Variants in FMN2 observed in about 807,000 individuals in gnomAD.
FMN2 encodes the protein formin-2.
In FMN2, 51 loss-of-function variants were observed where a neutral mutation model predicts 142.3. The observed-to-expected ratio is 0.36, with a 90% CI of 0.29 to 0.45. FMN2 has a LOEUF of 0.45. FMN2 is among the 20% of genes least tolerant of loss of function. The probability of loss-of-function intolerance (pLI) is 1.00; values close to 1 mark genes in which losing one functional copy is unlikely to be tolerated. For synonymous variants in FMN2, 882 were observed against 869.8 expected, an observed-to-expected ratio of 1.01 and a Z score of -0.25; for missense variants, 1,936 against 2,122.8, an observed-to-expected ratio of 0.91 and a Z score of 1.73.
chr1:240,273,832 C>G (rs1469336601), intron 7 of FMN2, among the ~76,000 whole-genome samples: 1 of 152,096 alleles, frequency 6.6e-6, no homozygotes, highest in African/African-American at 2.4e-5. Flanking sequence ...GGGGATCTCT[C>G]TATGCCAACT....
rs767315251 is a variant in FMN2, at chr1:240,092,154, T to G, written c.45T>G (p.Ala15=). The part of the protein sequence containing the change: ...DGKLKRSAGD[A]LHEGGGGAED... ...AGCTGAAGAGGAGCGCAGGTGATGC[T>G]TTGCACGAAGGCGGCGGTGGCGCCG... is the stretch of plus-strand genomic sequence containing the variant. Residue 15 remains alanine, a synonymous_variant, in exon 1 of 18, where the codon GCT becomes GCG. Coordinates refer to ENST00000319653, the MANE Select transcript of FMN2 (RefSeq NM_020066.5). The G allele has an allele frequency of 6.4e-7, 1 of 1,571,886 alleles. No homozygotes were observed. Among genetic ancestry groups the G allele is most frequent in the South Asian group, 1.2e-5 (1 of 85,716 alleles).
At chr1:240,290,798 T>G (rs1669757937) in intron 7 of FMN2, among the ~76,000 whole-genome samples, 1 of 141,234 alleles carries the variant, frequency 7.1e-6, no homozygotes, top group Non-Finnish European at 1.5e-5. Flanking sequence ...TTTTTGTTTT[T>G]TTTTTTTTTT....
intron 3 of FMN2, among the ~76,000 whole-genome samples, chr1:240,184,694 G>A (rs942524844): frequency 5.9e-5 from 9 of 151,884 alleles, no homozygotes; most frequent in Admixed American, 1.3e-4. Flanking sequence ...CCTAGAGCTG[G>A]GTTTAAGGCA....
At chr1:240,237,531 A>C (rs976425496) in intron 6 of FMN2, among the ~76,000 whole-genome samples, 1 of 152,174 alleles carries the variant, frequency 6.6e-6, no homozygotes, top group Non-Finnish European at 1.5e-5. Context: ...AGACTAATTA[A>C]ATACCGCAGC....
chr1:240,310,244 C>T (rs985176276), intron 8 of FMN2, among the ~76,000 whole-genome samples: 1 of 152,192 alleles, frequency 6.6e-6, no homozygotes, highest in Admixed American at 6.5e-5. Context: ...TAACCTAAAT[C>T]CTTTCCCATA....
intron 7 of FMN2, 127 bp from the exon 8 acceptor site, chr1:240,294,695 G>A (rs1669907815): frequency 3.9e-6 from 3 of 779,210 alleles, no homozygotes; most frequent in African/African-American, 1.7e-5. Flanking sequence ...GTGGGGGCAA[G>A]GGGAAACATT....
At chr1:240,406,458 T>A (rs1674203815) in intron 15 of FMN2, among the ~76,000 whole-genome samples, 2 of 152,222 alleles carry the variant, frequency 1.3e-5, no homozygotes, top group African/African-American at 4.8e-5. Flanking sequence ...GATCGCGCTC[T>A]GAGAAACAAC....
chr1:240,220,917 T>A (rs926198980), intron 6 of FMN2, among the ~76,000 whole-genome samples: 3 of 152,036 alleles, frequency 2.0e-5, no homozygotes, highest in African/African-American at 7.2e-5. Flanking sequence ...GCTCCATGTG[T>A]CCATGTGTTC....
chr1:240,313,302 A>G (rs939545486), intron 8 of FMN2, among the ~76,000 whole-genome samples: 13 of 152,182 alleles, frequency 8.5e-5, no homozygotes, highest in African/African-American at 2.7e-4. Flanking sequence ...CGCCCTTTTC[A>G]CTATTCTGAA....
At chr1:240,132,347 G>T (rs1245976427) in intron 2 of FMN2, among the ~76,000 whole-genome samples, 1 of 152,152 alleles carries the variant, frequency 6.6e-6, no homozygotes, top group Admixed American at 6.6e-5. Context: ...CCAATCAAAA[G>T]ATTAAAGTTC....
chr1:240,427,020 G>T (rs545492559), intron 15 of FMN2, among the ~76,000 whole-genome samples: 1 of 151,542 alleles, frequency 6.6e-6, no homozygotes, highest in Non-Finnish European at 1.5e-5. Flanking sequence ...GATCGCAAGC[G>T]TGAGCTACCG....
At chr1:240,323,047 T>C (rs1010088364) in intron 8 of FMN2, among the ~76,000 whole-genome samples, 2 of 152,126 alleles carry the variant, frequency 1.3e-5, no homozygotes, top group African/African-American at 4.8e-5. Context: ...GAATTTTAGT[T>C]CCTTTTCTTC....
At chr1:240,351,078 A>C (rs970737935) in intron 13 of FMN2, among the ~76,000 whole-genome samples, 9 of 152,178 alleles carry the variant, frequency 5.9e-5, no homozygotes, top group Non-Finnish European at 7.3e-5. Flanking sequence ...GTAGAGAAGA[A>C]ATCTATCCTC....
chr1:240,467,545 C>T (rs1047616541), intron 16 of FMN2, among the ~76,000 whole-genome samples: 7 of 152,074 alleles, frequency 4.6e-5, no homozygotes, highest in Non-Finnish European at 8.8e-5. Context: ...GGATTATAGG[C>T]GTGAGCCACC....
chr1:240,320,717 C>T (rs1045887989), intron 8 of FMN2, among the ~76,000 whole-genome samples: 6 of 152,110 alleles, frequency 3.9e-5, no homozygotes, highest in African/African-American at 4.8e-5. Flanking sequence ...AAGGTTTTAC[C>T]GAACATTAGT....
intron 2 of FMN2, among the ~76,000 whole-genome samples, chr1:240,124,970 T>A (rs1662441653): frequency 6.6e-6 from 1 of 152,084 alleles, no homozygotes; most frequent in African/African-American, 2.4e-5. Context: ...CTGGCCGTGG[T>A]TTTTCATCAT....
At chr1:240,375,402 G>T (rs1673010599) in intron 14 of FMN2, among the ~76,000 whole-genome samples, 1 of 152,000 alleles carries the variant, frequency 6.6e-6, no homozygotes, top group Non-Finnish European at 1.5e-5. Flanking sequence ...TACCTACAAA[G>T]CACAGTAAAG....
intron 16 of FMN2, among the ~76,000 whole-genome samples, chr1:240,438,429 G>T (rs564453221): frequency 2.9e-4 from 44 of 152,132 alleles, no homozygotes; most frequent in Non-Finnish European, 5.6e-4. Context: ...TAGGGTGCTG[G>T]CTTGCCAGGA....
chr1:240,403,406 G>A lies in FMN2; in HGVS notation c.4910+10844G>A, dbSNP rs115841519. Among the ~76,000 whole-genome samples, 1,381 of 152,266 alleles carry A rather than the reference G, an allele frequency of 9.1e-3. 15 individuals carry two copies. The highest frequency in any genetic ancestry group is 0.031 in the African/African-American group (1,298 of 41,548). ...CCTAGCACTTTGGGAAGCTGAGGCA[G>A]GCAGGTCACCTGAGGTCAGGAATTC... On this transcript the variant is annotated intron_variant, in intron 15 of 17. Transcript: ENST00000319653.
Sources: gnomAD v4.1 joint callset for allele counts (sites outside exome capture counted in the v4.1 genomes callset) on GRCh38, gnomAD v4.1.1 for gene constraint, MANE v1.5 for transcripts, NCBI Gene and HGNC (gene_info 2026-07-23, HGNC 2026-07-21) for gene names.